The following ANGPT1 variants were observed in gnomAD, a reference collection of about 807,000 sequenced individuals.
ANGPT1 encodes the protein angiopoietin 1.
Under a neutral mutation model 62.2 loss-of-function variants are expected in ANGPT1, and 17 were observed. The observed-to-expected ratio is 0.27, with a 90% CI of 0.19 to 0.41. ANGPT1 has a LOEUF of 0.41. Among genes scored for constraint, ANGPT1 ranks in the 10% least tolerant of loss-of-function variants. The pLI is 1.00. For missense variants in ANGPT1, 478 were observed against 594.9 expected (o/e 0.80, Z 2.04); for synonymous variants, 199 against 198.9 (o/e 1.00, Z 0.00).
intron 1 of ANGPT1, among the ~76,000 whole-genome samples, chr8:107,428,168 G>T (rs767343614): frequency 6.6e-6 from 1 of 152,110 alleles, no homozygotes; most frequent in Non-Finnish European, 1.5e-5. Context: ...ATGTTTCTTC[G>T]CAAGCTACAA....
chr8:107,336,045 C>T, intron 3 of ANGPT1, 105 bp downstream of exon 3: 1 of 1,152,936 alleles, frequency 8.7e-7, no homozygotes, highest in Non-Finnish European at 1.1e-6. Context: ...CTCTATATTT[C>T]ATTTTTGTAA....
intron 3 of ANGPT1, among the ~76,000 whole-genome samples, chr8:107,323,223 A>G (rs1815198001): frequency 6.6e-6 from 1 of 152,198 alleles, no homozygotes; most frequent in Non-Finnish European, 1.5e-5. Flanking sequence ...ACTGGAAATA[A>G]AAAGCATTAA....
At chr8:107,424,705 G>A (rs1268245090) in intron 1 of ANGPT1, among the ~76,000 whole-genome samples, 1 of 152,080 alleles carries the variant, frequency 6.6e-6, no homozygotes, top group Non-Finnish European at 1.5e-5. Context: ...TACATTCTTG[G>A]TTATGCATGA....
intron 1 of ANGPT1, among the ~76,000 whole-genome samples, chr8:107,481,988 CAGTTAATAATGAAAAAAAGACTGCAT>C (rs1563642884): frequency 6.6e-6 from 1 of 152,068 alleles, no homozygotes; most frequent in Admixed American, 6.5e-5. Context: ...TATTTCCCTT[CAGTTAATAATGAAAAAAAGACTGCAT>C]TGATAATGAT....
At chr8:107,374,089 T>A (rs985048385) in intron 1 of ANGPT1, among the ~76,000 whole-genome samples, 7 of 152,200 alleles carry the variant, frequency 4.6e-5, no homozygotes, top group Admixed American at 1.3e-4. Context: ...GATTAATGTT[T>A]CTTTTTTATA....
intron 1 of ANGPT1, among the ~76,000 whole-genome samples, chr8:107,471,552 A>G (rs1812358947): frequency 6.6e-6 from 1 of 152,140 alleles, no homozygotes; most frequent in Non-Finnish European, 1.5e-5. Context: ...CTTAAAGCTA[A>G]AAAAACAAAA....
At chr8:107,290,996 T>C (rs1453446745) in intron 6 of ANGPT1, among the ~76,000 whole-genome samples, 2 of 152,220 alleles carry the variant, frequency 1.3e-5, no homozygotes, top group East Asian at 1.9e-4. Flanking sequence ...AAAGTCACCA[T>C]GATGACAACT....
chr8:107,477,507 A>G (rs1812563940), intron 1 of ANGPT1, among the ~76,000 whole-genome samples: 1 of 152,142 alleles, frequency 6.6e-6, no homozygotes, highest in Admixed American at 6.6e-5. Context: ...CACTACGGCA[A>G]TGTCATGATT....
chr8:107,269,433 C>A (rs1437737892), intron 7 of ANGPT1, among the ~76,000 whole-genome samples: 4 of 152,002 alleles, frequency 2.6e-5, no homozygotes, highest in African/African-American at 9.7e-5. Context: ...GTGGCTTTCT[C>A]TATGAAGCTA....
intron 3 of ANGPT1, among the ~76,000 whole-genome samples, chr8:107,323,908 T>C (rs1457014249): frequency 4.6e-5 from 7 of 151,872 alleles, no homozygotes; most frequent in Non-Finnish European, 1.0e-4. Context: ...GCCTCCCGAG[T>C]AGTTGGGACT....
intron 1 of ANGPT1, among the ~76,000 whole-genome samples, chr8:107,435,823 T>C (rs937491946): frequency 6.6e-6 from 1 of 152,236 alleles, no homozygotes; most frequent in Non-Finnish European, 1.5e-5. Flanking sequence ...TCTGATGTTA[T>C]AGAATTTACA....
chr8:107,271,967 A>G (rs1462544574), intron 7 of ANGPT1, among the ~76,000 whole-genome samples: 1 of 151,088 alleles, frequency 6.6e-6, no homozygotes, highest in Admixed American at 6.6e-5. Context: ...TTTAATTCTC[A>G]TGACTACTTG....
At chr8:107,264,903 G>A (rs1333284765) in intron 7 of ANGPT1, among the ~76,000 whole-genome samples, 2 of 152,136 alleles carry the variant, frequency 1.3e-5, no homozygotes, top group Admixed American at 1.3e-4. Context: ...AATTTAGCTG[G>A]TATGAGTCTA....
At chr8:107,410,783 C>T (rs945494815) in intron 1 of ANGPT1, among the ~76,000 whole-genome samples, 4 of 152,062 alleles carry the variant, frequency 2.6e-5, no homozygotes, top group Non-Finnish European at 5.9e-5. Flanking sequence ...TAACTATTAC[C>T]CATTAACAAA....
intron 7 of ANGPT1, among the ~76,000 whole-genome samples, chr8:107,272,014 T>C (rs1462462180): frequency 6.6e-6 from 1 of 151,960 alleles, no homozygotes; most frequent in Non-Finnish European, 1.5e-5. Flanking sequence ...CCTTCCACAA[T>C]TGGTGTCATT....
At position 107,293,750 on chromosome 8, in the gene ANGPT1, C is replaced by T. The variant is rs149114490; in HGVS notation, c.1038+186G>A. On this transcript the variant is annotated intron_variant, in intron 6 of 8. Coordinates refer to ENST00000517746, the MANE Select transcript of ANGPT1 (RefSeq NM_001146.5). ...GTAATACGTTTTTCTTTCTGACGCA[C>T]ACGTGGAAATCATTTACTGAAAGTG... Among the ~76,000 whole-genome samples the T allele has an allele frequency of 4.1e-3, 623 of 152,234 alleles. 4 individuals are homozygous for T. The highest frequency in any genetic ancestry group is 0.014 in the African/African-American group (592 of 41,538).
intron 1 of ANGPT1, among the ~76,000 whole-genome samples, chr8:107,484,484 C>T (rs925465039): frequency 6.6e-6 from 1 of 152,174 alleles, no homozygotes; most frequent in Admixed American, 6.5e-5. Flanking sequence ...TCACTGCAGC[C>T]TCGACCTCCC....
chr8:107,407,988 A>G (rs1347456644), intron 1 of ANGPT1, among the ~76,000 whole-genome samples: 1 of 152,200 alleles, frequency 6.6e-6, no homozygotes, highest in African/African-American at 2.4e-5. Context: ...ATTCACACAT[A>G]TGGAGAAAGC....
At chr8:107,361,029 C>T (rs1446770418) in intron 1 of ANGPT1, among the ~76,000 whole-genome samples, 1 of 152,142 alleles carries the variant, frequency 6.6e-6, no homozygotes, top group Non-Finnish European at 1.5e-5. Flanking sequence ...ATTTACTCAA[C>T]CAAAACAGAG....
Sources: allele counts gnomAD v4.1 joint callset (sites outside exome capture counted in the v4.1 genomes callset), GRCh38; gene constraint gnomAD v4.1.1; transcripts MANE v1.5; gene names NCBI Gene and HGNC (gene_info 2026-07-23, HGNC 2026-07-21).